The following CSMD1 variants were observed in gnomAD, a reference collection of about 807,000 sequenced individuals.
CSMD1 encodes CUB and Sushi multiple domains 1, also known as CUB and sushi domain-containing protein 1.
CSMD1 carries 213 observed loss-of-function variants against 417.5 expected under a neutral mutation model. That is an observed-to-expected ratio of 0.51 (90% confidence interval 0.46 to 0.57). The LOEUF (loss-of-function observed/expected upper bound fraction) is 0.57, where lower values mean the gene tolerates loss of function less well. Ranked by LOEUF, CSMD1 falls within the 20% of genes least tolerant of loss-of-function variation. The pLI is 0.00. For synonymous variants in CSMD1, 2,862 were observed against 1,736.8 expected, an observed-to-expected ratio of 1.65 and a Z score of -16.11; for missense variants, 6,923 against 4,529.7, an observed-to-expected ratio of 1.53 and a Z score of -15.17.
intron 6 of CSMD1, among the ~76,000 whole-genome samples, chr8:3,728,245 T>C (rs1019133434): frequency 6.6e-6 from 1 of 152,144 alleles, no homozygotes; most frequent in Non-Finnish European, 1.5e-5. Flanking sequence ...CCCTTTCTCT[T>C]GGTTCTTATT....
intron 2 of CSMD1, among the ~76,000 whole-genome samples, chr8:4,437,776 G>T (rs956374435): frequency 1.1e-4 from 16 of 152,146 alleles, no homozygotes; most frequent in Non-Finnish European, 2.2e-4. Context: ...AGAGATCTTT[G>T]AGTTGTCTCT....
chr8:3,307,780 T>C lies in CSMD1; in HGVS notation c.3865A>G (p.Ile1289Val), dbSNP rs1804994565. ...GQIHAATSGR[I>V]LSPGYPAPYD... ...GGAGCTGGATAGCCAGGGGACAATATTCGTCCTGATGTGGCTGCATGGATC... is the reference window on the plus strand; with the variant it reads ...GGAGCTGGATAGCCAGGGGACAATACTCGTCCTGATGTGGCTGCATGGATC... Residue 1289 changes from isoleucine (I) to valine (V), a missense_variant, in exon 25 of 70, where the codon ATA becomes GTA. Coordinates refer to ENST00000635120, the MANE Select transcript of CSMD1 (RefSeq NM_033225.6). 2.5e-6 allele frequency: 4 copies of C among 1,613,520 alleles called. No individual in the cohort carries two copies. In the African/African-American group the frequency reaches 5.3e-5, roughly 22 times the overall value.
intron 3 of CSMD1, among the ~76,000 whole-genome samples, chr8:4,182,251 T>C (rs146383558): frequency 1.8e-4 from 28 of 152,264 alleles, no homozygotes; most frequent in African/African-American, 6.5e-4. Context: ...AAACGGAATA[T>C]ATCTAGATTA....
chr8:4,012,607 T>C (rs1174618959), intron 4 of CSMD1, among the ~76,000 whole-genome samples: 1 of 152,120 alleles, frequency 6.6e-6, no homozygotes, highest in Non-Finnish European at 1.5e-5. Context: ...TCAGTGACTA[T>C]GTCATCTGTA....
At chr8:4,476,015 G>C (rs1157617852) in intron 2 of CSMD1, among the ~76,000 whole-genome samples, 2 of 151,944 alleles carry the variant, frequency 1.3e-5, no homozygotes, top group South Asian at 2.1e-4. Context: ...TAATTAATCA[G>C]CAGACAAAAG....
intron 1 of CSMD1, among the ~76,000 whole-genome samples, chr8:4,892,155 A>G (rs1379014331): frequency 6.6e-6 from 1 of 152,128 alleles, no homozygotes; most frequent in African/African-American, 2.4e-5. Flanking sequence ...TGCAATTTGA[A>G]CAAAGTAGTT....
intron 3 of CSMD1, among the ~76,000 whole-genome samples, chr8:4,331,888 G>T (rs10100218): frequency 2.6e-5 from 4 of 152,178 alleles, no homozygotes; most frequent in Admixed American, 1.3e-4. Context: ...TAGCTAGAGA[G>T]TTTAACTATG....
At chr8:4,160,856 C>G (rs1358529908) in intron 3 of CSMD1, among the ~76,000 whole-genome samples, 1 of 152,192 alleles carries the variant, frequency 6.6e-6, no homozygotes, top group African/African-American at 2.4e-5. Flanking sequence ...CTAATATTTC[C>G]TTAAGGAGAA....
At chr8:3,672,149 T>C (rs1412051996) in intron 7 of CSMD1, among the ~76,000 whole-genome samples, 1 of 152,204 alleles carries the variant, frequency 6.6e-6, no homozygotes. Context: ...AAACTTGTTT[T>C]CTAGTGTGAA....
chr8:3,579,284 A>G (rs1800283240), intron 9 of CSMD1, among the ~76,000 whole-genome samples: 1 of 152,226 alleles, frequency 6.6e-6, no homozygotes, highest in Non-Finnish European at 1.5e-5. Flanking sequence ...CCACTTAATC[A>G]ATGAATATTT....
intron 3 of CSMD1, among the ~76,000 whole-genome samples, chr8:4,078,146 C>T (rs796980555): frequency 1.6e-4 from 25 of 152,218 alleles, no homozygotes; most frequent in African/African-American, 6.0e-4. Context: ...TTAAAATCAG[C>T]TTACAAATTT....
chr8:4,654,468 C>T (rs140226770), intron 1 of CSMD1, among the ~76,000 whole-genome samples: 2 of 152,120 alleles, frequency 1.3e-5, no homozygotes, highest in African/African-American at 4.8e-5. Flanking sequence ...GAGCATGAAG[C>T]CTTTCTCTCT....
At chr8:3,193,213 A>G (rs1326684138) in intron 33 of CSMD1, among the ~76,000 whole-genome samples, 1 of 152,174 alleles carries the variant, frequency 6.6e-6, no homozygotes, top group African/African-American at 2.4e-5. Flanking sequence ...AAATGAGGAG[A>G]AATATAGCAC....
rs372120998 is a variant in CSMD1 at position 4,099,828 on chromosome 8, A to G, written c.416-67729T>C. 1.8e-3 allele frequency among the ~76,000 whole-genome samples: 273 copies of G among 152,218 alleles called. 17 individuals are homozygous for G. In the South Asian group the frequency reaches 0.053, roughly 30 times the overall value. On this transcript the variant is annotated intron_variant, in intron 3 of 69. Coordinates refer to ENST00000635120, the MANE Select transcript of CSMD1 (RefSeq NM_033225.6). ...ACTTTAAATCCCTGATTGTATCCACATCTTGCTCCCTTAGAACATCCTTCT... is the reference window on the plus strand; with the variant it reads ...ACTTTAAATCCCTGATTGTATCCACGTCTTGCTCCCTTAGAACATCCTTCT...
At chr8:3,618,038 G>C (rs1487972688) in intron 7 of CSMD1, among the ~76,000 whole-genome samples, 4 of 152,094 alleles carry the variant, frequency 2.6e-5, no homozygotes, top group African/African-American at 7.2e-5. Flanking sequence ...ATCTCACTCT[G>C]TTGCCCAGGT....
chr8:4,499,724 T>C (rs963710068), intron 2 of CSMD1, among the ~76,000 whole-genome samples: 2 of 152,210 alleles, frequency 1.3e-5, no homozygotes, highest in African/African-American at 4.8e-5. Flanking sequence ...GAAGTTGATA[T>C]GGGCATTGAC....
intron 5 of CSMD1, among the ~76,000 whole-genome samples, chr8:3,774,656 G>A (rs577615039): frequency 6.6e-6 from 1 of 152,196 alleles, no homozygotes; most frequent in Admixed American, 6.5e-5. Flanking sequence ...CAACCTAGCT[G>A]GAGACCAGTG....
chr8:3,151,299 G>C (rs1819178687), intron 40 of CSMD1, 98 bp downstream of exon 40: 2 of 737,034 alleles, frequency 2.7e-6, no homozygotes, highest in South Asian at 1.7e-5. Flanking sequence ...TACAGATACA[G>C]TTATGCCAAC....
At chr8:3,060,637 A>G (rs1166789124) in intron 49 of CSMD1, among the ~76,000 whole-genome samples, 1 of 152,208 alleles carries the variant, frequency 6.6e-6, no homozygotes, top group Non-Finnish European at 1.5e-5. Context: ...CACTTTCTCC[A>G]TCAACTTGTG....
Sources: allele counts gnomAD v4.1 joint callset (sites outside exome capture counted in the v4.1 genomes callset), GRCh38; gene constraint gnomAD v4.1.1; transcripts MANE v1.5; gene names NCBI Gene and HGNC (gene_info 2026-07-23, HGNC 2026-07-21).